Variants in NELL1 observed in about 807,000 individuals in gnomAD.
The protein encoded by NELL1 is protein kinase C-binding protein NELL1.
A neutral mutation model predicts 107.4 loss-of-function variants in NELL1; 76 were observed. That is an observed-to-expected ratio of 0.71 (90% CI 0.59 to 0.86). The LOEUF (loss-of-function observed/expected upper bound fraction) is 0.86. Among genes scored for constraint, NELL1 ranks in the 40% least tolerant of loss-of-function variants. The pLI, the probability that NELL1 is intolerant of heterozygous loss-of-function variation, is 0.00. For missense variants in NELL1, 1,024 were observed against 1,005.5 expected (o/e 1.02, Z -0.25); for synonymous variants, 353 against 341.2 (o/e 1.03, Z -0.38).
At chr11:21,353,133 A>C (rs1177390803) in intron 14 of NELL1, among the ~76,000 whole-genome samples, 2 of 152,168 alleles carry the variant, frequency 1.3e-5, no homozygotes, top group Non-Finnish European at 2.9e-5. Flanking sequence ...GGAAATAGTC[A>C]GACAAGGCAT....
intron 12 of NELL1, among the ~76,000 whole-genome samples, chr11:20,992,562 G>T (rs1221029629): frequency 6.6e-6 from 1 of 152,154 alleles, no homozygotes; most frequent in Non-Finnish European, 1.5e-5. Context: ...CCTTGGGAGA[G>T]TCTTTTCCCT....
intron 14 of NELL1, among the ~76,000 whole-genome samples, chr11:21,309,830 G>A (rs1849709927): frequency 6.6e-6 from 1 of 152,034 alleles, no homozygotes; most frequent in Non-Finnish European, 1.5e-5. Flanking sequence ...AACAGTGCAG[G>A]AAAGACGCAC....
At chr11:20,864,117 ACTGTG>A (rs1564940047) in intron 4 of NELL1, among the ~76,000 whole-genome samples, 3 of 139,694 alleles carry the variant, frequency 2.1e-5, no homozygotes, top group African/African-American at 9.9e-5. Context: ...GGAGAGGGAG[ACTGTG>A]GGGAGAGGGA....
At chr11:21,012,527 G>C (rs1852470906) in intron 12 of NELL1, among the ~76,000 whole-genome samples, 1 of 152,084 alleles carries the variant, frequency 6.6e-6, no homozygotes, top group Non-Finnish European at 1.5e-5. Context: ...CCACTGTCCA[G>C]ATATGCCAAT....
intron 12 of NELL1, among the ~76,000 whole-genome samples, chr11:20,979,211 G>A (rs1489961802): frequency 6.6e-6 from 1 of 152,174 alleles, no homozygotes; most frequent in African/African-American, 2.4e-5. Context: ...AGCTCATTTA[G>A]TAAGGAGCTG....
At chr11:20,999,470 T>A (rs1410553771) in intron 12 of NELL1, among the ~76,000 whole-genome samples, 1 of 152,342 alleles carries the variant, frequency 6.6e-6, no homozygotes, top group East Asian at 1.9e-4. Flanking sequence ...CTTCCACTCA[T>A]TGGGCAGAAA....
intron 2 of NELL1, among the ~76,000 whole-genome samples, chr11:20,710,303 G>A (rs1855079558): frequency 6.6e-6 from 1 of 152,130 alleles, no homozygotes; most frequent in Non-Finnish European, 1.5e-5. Context: ...CATGTATTCA[G>A]ATGATCATAT....
intron 15 of NELL1, among the ~76,000 whole-genome samples, chr11:21,450,227 CAG>C (rs1853544115): frequency 6.6e-6 from 1 of 152,142 alleles, no homozygotes; most frequent in Admixed American, 6.5e-5. Flanking sequence ...TAGCAAAACT[CAG>C]AAAGAACTGA....
At chr11:21,070,268 G>A (rs1453205874) in intron 12 of NELL1, among the ~76,000 whole-genome samples, 3 of 152,174 alleles carry the variant, frequency 2.0e-5, no homozygotes, top group South Asian at 2.1e-4. Context: ...TCTCCTTGGA[G>A]GTTTTCTCAT....
At chr11:21,383,848 G>A (rs984783771) in intron 15 of NELL1, 2 of 151,470 alleles carry the variant, frequency 1.3e-5, no homozygotes, top group African/African-American at 2.4e-5. Context: ...AACCAGGCCC[G>A]ACCCTTTGGC....
At chr11:21,271,762 A>G (rs1848744548) in intron 14 of NELL1, among the ~76,000 whole-genome samples, 1 of 152,238 alleles carries the variant, frequency 6.6e-6, no homozygotes, top group Non-Finnish European at 1.5e-5. Flanking sequence ...AGTTATTTAA[A>G]AAAATACACC....
intron 14 of NELL1, among the ~76,000 whole-genome samples, chr11:21,304,607 T>C (rs1849568802): frequency 6.6e-6 from 1 of 151,640 alleles, no homozygotes; most frequent in South Asian, 2.1e-4. Context: ...AGCATAGGAG[T>C]CTACAGCCTA....
chr11:21,246,313 A>C (rs1291957896), intron 14 of NELL1, among the ~76,000 whole-genome samples: 1 of 152,190 alleles, frequency 6.6e-6, no homozygotes, highest in Admixed American at 6.6e-5. Context: ...TTAGATGTCA[A>C]GAAAAGGTTT....
chr11:20,698,431 C>T (rs1854679833), intron 2 of NELL1, among the ~76,000 whole-genome samples: 2 of 152,290 alleles, frequency 1.3e-5, no homozygotes, highest in African/African-American at 4.8e-5. Context: ...AGAGAGACAG[C>T]AGAGAATGCA....
chr11:20,800,118 C>T (rs546297210), intron 3 of NELL1, among the ~76,000 whole-genome samples: 2 of 152,122 alleles, frequency 1.3e-5, no homozygotes, highest in Admixed American at 6.5e-5. Flanking sequence ...TTGATGGGCA[C>T]CTAGGTTGAT....
chr11:21,548,482 T>C (rs1367167783), intron 16 of NELL1, among the ~76,000 whole-genome samples: 3 of 151,716 alleles, frequency 2.0e-5, no homozygotes, highest in Non-Finnish European at 4.4e-5. Flanking sequence ...TACTTCTCAA[T>C]AGGTGAGAGA....
intron 16 of NELL1, among the ~76,000 whole-genome samples, chr11:21,537,946 T>C (rs910740931): frequency 2.0e-5 from 3 of 152,156 alleles, no homozygotes; most frequent in Non-Finnish European, 4.4e-5. Context: ...GGAATATGGT[T>C]ATGAACAAGT....
At chr11:21,459,163 G>A (rs1448051774) in intron 15 of NELL1, among the ~76,000 whole-genome samples, 2 of 151,886 alleles carry the variant, frequency 1.3e-5, no homozygotes, top group African/African-American at 4.8e-5. Context: ...AGTCACTGTG[G>A]GGACATTGAG....
intron 15 of NELL1, among the ~76,000 whole-genome samples, chr11:21,458,138 A>AAAAC (rs1310635843): frequency 6.6e-6 from 1 of 152,214 alleles, no homozygotes; most frequent in Admixed American, 6.5e-5. Context: ...TTTAGTAGGT[A>AAAAC]AAACACTTAA....
Sources: gnomAD v4.1 joint callset for allele counts (sites outside exome capture counted in the v4.1 genomes callset) on GRCh38, gnomAD v4.1.1 for gene constraint, MANE v1.5 for transcripts, NCBI Gene and HGNC (gene_info 2026-07-23, HGNC 2026-07-21) for gene names.